The following PKNOX2 variants were observed in gnomAD, a reference collection of about 807,000 sequenced individuals.
PKNOX2 encodes the protein homeobox protein PKNOX2.
PKNOX2 carries 14 observed loss-of-function variants against 53.1 expected under a neutral mutation model. That is an observed-to-expected ratio of 0.26 (90% CI 0.17 to 0.41). PKNOX2 has a LOEUF of 0.41. Among genes scored for constraint, PKNOX2 ranks in the 10% least tolerant of loss-of-function variants. PKNOX2 has a pLI of 1.00. For missense variants in PKNOX2, 496 were observed against 602.8 expected (o/e 0.82, Z 1.85); for synonymous variants, 257 against 242.8 (o/e 1.06, Z -0.54).
At chr11:125,262,360 G>C in intron 2 of PKNOX2, among the ~76,000 whole-genome samples, 1 of 152,160 alleles carries the variant, frequency 6.6e-6, no homozygotes. Flanking sequence ...TGAGGATGGA[G>C]GACTGGTCAG....
intron 1 of PKNOX2, among the ~76,000 whole-genome samples, chr11:125,188,463 G>C (rs1281360715): frequency 6.6e-6 from 1 of 152,206 alleles, no homozygotes; most frequent in East Asian, 1.9e-4. Flanking sequence ...TGGTAAAAAG[G>C]TTGTGAGCCA....
intron 2 of PKNOX2, among the ~76,000 whole-genome samples, chr11:125,238,020 T>C (rs1421809138): frequency 6.6e-6 from 1 of 152,214 alleles, no homozygotes; most frequent in Non-Finnish European, 1.5e-5. Context: ...CTCTCCTTCC[T>C]TCCCCTCTGC....
rs573469822 is a variant in PKNOX2, at chr11:125,213,456, TTTG to T, written c.-200-21577_-200-21575del. On this transcript the variant is annotated intron_variant, in intron 1 of 12. Coordinates refer to ENST00000298282, the MANE Select transcript of PKNOX2 (RefSeq NM_001382323.2). The stretch of plus-strand genomic sequence containing the variant: ...TCATTGTCTCCTCAGGACAAAAGAT[TTTG>T]TTGTTGTTGTTATTTGAGACAGGAT... 6.6e-4 allele frequency among the ~76,000 whole-genome samples: 100 copies of T among 152,148 alleles called. No individual in the cohort carries two copies. The Middle Eastern group carries it at 0.01, about 16-fold the overall frequency.
At chr11:125,303,323 C>T (rs987540964) in intron 2 of PKNOX2, among the ~76,000 whole-genome samples, 7 of 152,190 alleles carry the variant, frequency 4.6e-5, no homozygotes, top group Admixed American at 6.5e-5. Flanking sequence ...GATGAGCAAA[C>T]GGGGGTACAG....
intron 2 of PKNOX2, among the ~76,000 whole-genome samples, chr11:125,243,996 G>A (rs1943370923): frequency 6.6e-6 from 1 of 152,180 alleles, no homozygotes; most frequent in Non-Finnish European, 1.5e-5. Flanking sequence ...TTCACTCATT[G>A]CTGGAGCCCC....
intron 2 of PKNOX2, among the ~76,000 whole-genome samples, chr11:125,280,830 T>A (rs894645209): frequency 2.0e-5 from 3 of 152,224 alleles, no homozygotes; most frequent in African/African-American, 7.2e-5. Flanking sequence ...GTTGTCACGA[T>A]GCCAGGGTGA....
At chr11:125,202,723 G>A (rs527513331) in intron 1 of PKNOX2, among the ~76,000 whole-genome samples, 4 of 151,982 alleles carry the variant, frequency 2.6e-5, no homozygotes, top group Non-Finnish European at 5.9e-5. Context: ...TGTGGGTTGG[G>A]GGGGAGGGGT....
At chr11:125,299,517 A>G (rs1419601747) in intron 2 of PKNOX2, among the ~76,000 whole-genome samples, 1 of 152,150 alleles carries the variant, frequency 6.6e-6, no homozygotes, top group African/African-American at 2.4e-5. Flanking sequence ...TCTGCTGGGC[A>G]TCAGGAGAGG....
chr11:125,312,287 A>G (rs1346741557), intron 2 of PKNOX2, among the ~76,000 whole-genome samples: 1 of 152,126 alleles, frequency 6.6e-6, no homozygotes, highest in African/African-American at 2.4e-5. Flanking sequence ...ATGAAACTGA[A>G]GTTTCCTGAA....
At chr11:125,281,201 A>G (rs934270506) in intron 2 of PKNOX2, among the ~76,000 whole-genome samples, 6 of 152,226 alleles carry the variant, frequency 3.9e-5, no homozygotes, top group African/African-American at 9.6e-5. Flanking sequence ...GCACCAGCTC[A>G]GAGCCACCTC....
At chr11:125,411,102 A>G in intron 9 of PKNOX2, 1 of 503,436 alleles carries the variant, frequency 2.0e-6, no homozygotes, top group Non-Finnish European at 3.6e-6. Context: ...AGGATCCTGC[A>G]CTTCCTATTC....
At chr11:125,175,728 G>A (rs10790727) in intron 1 of PKNOX2, among the ~76,000 whole-genome samples, 1 of 152,012 alleles carries the variant, frequency 6.6e-6, no homozygotes, top group Admixed American at 6.5e-5. Flanking sequence ...GTAGAGCCCT[G>A]TGCTCACTGT....
At chr11:125,187,811 G>A (rs982689075) in intron 1 of PKNOX2, among the ~76,000 whole-genome samples, 1 of 152,176 alleles carries the variant, frequency 6.6e-6, no homozygotes, top group Middle Eastern at 3.2e-3. Context: ...CCACCCTTTT[G>A]ATAATGGGTC....
At chr11:125,319,369 C>T (rs1296927802) in intron 2 of PKNOX2, among the ~76,000 whole-genome samples, 2 of 152,146 alleles carry the variant, frequency 1.3e-5, no homozygotes, top group African/African-American at 4.8e-5. Flanking sequence ...ATTACCAAAA[C>T]GTGACACACA....
In PKNOX2 at chr11:125,240,985, G is replaced by A. The variant is rs1943097150; in HGVS notation, c.-130+5870G>A. Among the ~76,000 whole-genome samples the A allele has an allele frequency of 6.6e-6, 1 of 152,224 alleles. No individual in the cohort carries two copies. Among genetic ancestry groups the A allele is most frequent in the Non-Finnish European group, 1.5e-5 (1 of 68,052 alleles). Reference sequence around the variant, plus strand: ...AGCCTCCCGTATCTGGAGGAGCCTAGCGCTGTGCTTGCGATAGCTGGAGCC... The same window carrying A: ...AGCCTCCCGTATCTGGAGGAGCCTAACGCTGTGCTTGCGATAGCTGGAGCC... On this transcript the variant is annotated intron_variant, in intron 2 of 12. Transcript: ENST00000298282. This position sits in a 1 kb window ranked among gnomAD's most constrained non-coding sequence, Gnocchi z 4.3.
At chr11:125,392,874 T>TG (rs529511158) in intron 6 of PKNOX2, among the ~76,000 whole-genome samples, 2 of 151,952 alleles carry the variant, frequency 1.3e-5, no homozygotes, top group East Asian at 3.9e-4. Flanking sequence ...AAAGAGAAAG[T>TG]TTGGCCGGGC....
intron 1 of PKNOX2, among the ~76,000 whole-genome samples, chr11:125,234,203 C>T (rs1029607511): frequency 1.3e-5 from 2 of 152,226 alleles, no homozygotes; most frequent in Non-Finnish European, 2.9e-5. Context: ...CTTCATGTCT[C>T]TGTGGAGAGA....
At chr11:125,222,937 T>C (rs1331726821) in intron 1 of PKNOX2, among the ~76,000 whole-genome samples, 1 of 152,164 alleles carries the variant, frequency 6.6e-6, no homozygotes, top group Non-Finnish European at 1.5e-5. Context: ...TAGGAGTGAA[T>C]GCAAGCAGCT....
chr11:125,193,006 C>T (rs1405470901), intron 1 of PKNOX2, among the ~76,000 whole-genome samples: 5 of 152,214 alleles, frequency 3.3e-5, no homozygotes, highest in South Asian at 2.1e-4. Context: ...AACCACTTGC[C>T]GGGTGGGACC....
Sources: gnomAD v4.1 joint callset for allele counts (sites outside exome capture counted in the v4.1 genomes callset) on GRCh38, gnomAD v4.1.1 for gene constraint, Gnocchi (gnomAD v3.1) non-coding constraint, MANE v1.5 for transcripts, NCBI Gene and HGNC (gene_info 2026-07-23, HGNC 2026-07-21) for gene names.